Variants in KIAA1217 observed in about 807,000 individuals in gnomAD.
KIAA1217 encodes sickle tail protein homolog.
Under a neutral mutation model 163.9 loss-of-function variants are expected in KIAA1217, and 88 were observed. The ratio of observed to expected loss-of-function variants is 0.54; its 90% CI spans 0.45 to 0.64. The LOEUF (loss-of-function observed/expected upper bound fraction) is 0.64. Ranked by LOEUF, KIAA1217 falls within the 30% of genes least tolerant of loss-of-function variation. The probability of loss-of-function intolerance (pLI) is 0.00; values close to 1 mark genes in which losing one functional copy is unlikely to be tolerated. For synonymous variants in KIAA1217, 903 were observed against 923.1 expected, an observed-to-expected ratio of 0.98 and a Z score of 0.39; for missense variants, 2,372 against 2,475.0, an observed-to-expected ratio of 0.96 and a Z score of 0.88.
chr10:24,363,556 G>GT lies in KIAA1217; in HGVS notation c.355-17309dup, dbSNP rs752038960. ...GTAACATTCCTTTAGTTTTTTGTGG[G>GT]TTTTGTTTTTGTTTTTTTTTTTTTT... On this transcript the variant is annotated intron_variant, in intron 2 of 20. Coordinates refer to ENST00000376454, the MANE Select transcript of KIAA1217 (RefSeq NM_019590.5). Among the ~76,000 whole-genome samples the GT allele has an allele frequency of 8.0e-3, 628 of 78,408 alleles. 3 individuals carry two copies. The highest frequency in any genetic ancestry group is 0.019 in the African/African-American group (458 of 24,364). 51.4% of individuals were successfully genotyped at this position (78,408 alleles called of 152,430 possible).
At position 23,718,553 on chromosome 10, in the gene KIAA1217, G is replaced by A. The variant is rs368471939; in HGVS notation, c.-321+23319G>A. On this transcript the variant is annotated intron_variant, in intron 1 of 18. Coordinates refer to the KIAA1217 transcript ENST00000376462. ...TTTAGTTGCTGATAAATCCTTTATC[G>A]GGGAGAAGAGGATGTGGGTGGATAA... Among the ~76,000 whole-genome samples the A allele has an allele frequency of 1.1e-4, 17 of 151,738 alleles. No homozygotes were observed. In the East Asian group the frequency reaches 3.3e-3, roughly 29 times the overall value.
intron 1 of KIAA1217, among the ~76,000 whole-genome samples, chr10:23,847,316 G>T (rs921571832): frequency 6.6e-6 from 1 of 152,128 alleles, no homozygotes; most frequent in Non-Finnish European, 1.5e-5. Flanking sequence ...AATGGTAGCA[G>T]CTCCTCCTTG....
At chr10:24,396,075 C>G (rs928728910) in intron 3 of KIAA1217, among the ~76,000 whole-genome samples, 1 of 152,058 alleles carries the variant, frequency 6.6e-6, no homozygotes, top group Non-Finnish European at 1.5e-5. Flanking sequence ...GGTGGCTCAC[C>G]CCTGTAATCA....
chr10:24,296,391 A>G (rs1041292779), intron 2 of KIAA1217, among the ~76,000 whole-genome samples: 6 of 152,226 alleles, frequency 3.9e-5, no homozygotes, highest in African/African-American at 1.4e-4. Context: ...TACAGGAGTG[A>G]ATCACTATGC....
Position 23,858,509 on chromosome 10 carries a change from A to T in KIAA1217, c.-320-148716A>T, listed in dbSNP as rs929230277. ...TATAAATATACACACACATCTTTAGAGCAGTTGTATACACATGTCTATAGC... is the reference window on the plus strand; with the variant it reads ...TATAAATATACACACACATCTTTAGTGCAGTTGTATACACATGTCTATAGC... On this transcript the variant is annotated intron_variant, in intron 1 of 18. Coordinates refer to the KIAA1217 transcript ENST00000376462. Among the ~76,000 whole-genome samples, 4 of 152,046 alleles carry T rather than the reference A, an allele frequency of 2.6e-5. No homozygotes were observed. In the South Asian group the frequency reaches 6.2e-4, roughly 24 times the overall value.
At chr10:24,384,495 G>C (rs987500337) in intron 3 of KIAA1217, among the ~76,000 whole-genome samples, 5 of 152,088 alleles carry the variant, frequency 3.3e-5, no homozygotes, top group African/African-American at 1.2e-4. Flanking sequence ...TTACACTGGG[G>C]TTCACTCTTG....
chr10:23,995,814 A>AT lies in KIAA1217; in HGVS notation c.-320-11404dup. ...GTTAAACAGTAAAAATGGAGCCCTT[A>AT]TTTTTTTGGCAAGGTTAAGCGTATG... On this transcript the variant is annotated intron_variant, in intron 1 of 18. Coordinates refer to the KIAA1217 transcript ENST00000376462. Among the ~76,000 whole-genome samples, 4 of 152,154 alleles carry AT rather than the reference A, an allele frequency of 2.6e-5. No individual in the cohort carries two copies. The Middle Eastern group carries it at 0.014, about 518-fold the overall frequency.
In KIAA1217 at chr10:24,543,326, CAAG is replaced by C. The variant is rs1409871612; in HGVS notation, c.4057_4059del (p.Lys1353del). ...ATTTTGGCCAAGTTGTTCTAAGACC[CAAG>C]GAGGCAAGGCATGCTAACGTGAACC... On this transcript the variant is annotated inframe_deletion, in exon 19 of 21. Transcript: ENST00000376454. 3 of 1,613,912 alleles carry C rather than the reference CAAG, an allele frequency of 1.9e-6. No individual in the cohort carries two copies. Among genetic ancestry groups the C allele is most frequent in the Non-Finnish European group, 2.5e-6 (3 of 1,180,006 alleles).
intron 1 of KIAA1217, among the ~76,000 whole-genome samples, chr10:23,799,167 T>G (rs532761789): frequency 6.6e-6 from 1 of 152,190 alleles, no homozygotes; most frequent in East Asian, 1.9e-4. Flanking sequence ...CTTTCTTTTT[T>G]ACAAGGGCAT....
chr10:24,042,897 G>C (rs1848716498), intron 2 of KIAA1217, among the ~76,000 whole-genome samples: 1 of 152,206 alleles, frequency 6.6e-6, no homozygotes, highest in Non-Finnish European at 1.5e-5. Flanking sequence ...AGCAATGGAA[G>C]TGTTGCATGC....
chr10:24,503,582 A>G (rs1330687685), intron 9 of KIAA1217, among the ~76,000 whole-genome samples: 1 of 152,212 alleles, frequency 6.6e-6, no homozygotes, highest in African/African-American at 2.4e-5. Flanking sequence ...CTGGCTCTTA[A>G]CCTGATAGAA....
intron 2 of KIAA1217, among the ~76,000 whole-genome samples, chr10:24,087,458 A>T (rs533490356): frequency 6.6e-6 from 1 of 152,344 alleles, no homozygotes; most frequent in East Asian, 1.9e-4. Context: ...AAAATTCTTA[A>T]CTAGAGGGGC....
At chr10:24,121,898 G>A (rs2063294696) in intron 2 of KIAA1217, among the ~76,000 whole-genome samples, 1 of 151,994 alleles carries the variant, frequency 6.6e-6, no homozygotes, top group Non-Finnish European at 1.5e-5. Flanking sequence ...TATCTCTTGG[G>A]GCATCACTAA....
In KIAA1217 at chr10:24,167,505, CTCCTGTCCCTT is replaced by C. The variant is rs2065414752; in HGVS notation, c.-170-52118_-170-52108del. On this transcript the variant is annotated intron_variant, in intron 2 of 18. Coordinates refer to the KIAA1217 transcript ENST00000376462. ...AAACTAGAGCCCAAGATGTAAAGGC[CTCCTGTCCCTT>C]TCTAGCAGTCAAGGGGTGATTATCT... 1.3e-5 allele frequency among the ~76,000 whole-genome samples: 2 copies of C among 152,048 alleles called. 1 individual carries two copies. Among genetic ancestry groups the C allele is most frequent in the South Asian group, 4.1e-4 (2 of 4,826 alleles).
At chr10:24,300,603 T>G (rs912219363) in intron 2 of KIAA1217, among the ~76,000 whole-genome samples, 1 of 152,190 alleles carries the variant, frequency 6.6e-6, no homozygotes, top group African/African-American at 2.4e-5. Context: ...AGTCTCATTG[T>G]ATCACCCAAG....
chr10:23,875,748 A>T (rs546346264), intron 1 of KIAA1217, among the ~76,000 whole-genome samples: 2 of 152,126 alleles, frequency 1.3e-5, no homozygotes, highest in South Asian at 4.1e-4. Flanking sequence ...GCACATATAC[A>T]CCATGGAATA....
chr10:24,088,327 G>C (rs1320723395), intron 2 of KIAA1217, among the ~76,000 whole-genome samples: 1 of 112,564 alleles, frequency 8.9e-6, no homozygotes, highest in Non-Finnish European at 2.2e-5. Context: ...TTAAGTTCTA[G>C]GGTACATGTG....
At chr10:24,532,993 G>A in intron 15 of KIAA1217, 77 bp from the exon 16 acceptor site, 2 of 1,359,990 alleles carry the variant, frequency 1.5e-6, no homozygotes, top group Non-Finnish European at 1.0e-6. Flanking sequence ...AGACAGTGAG[G>A]GACCATACGA....
At chr10:24,219,364 A>C (rs2069270442) in intron 1 of KIAA1217, among the ~76,000 whole-genome samples, 1 of 152,062 alleles carries the variant, frequency 6.6e-6, no homozygotes, top group Admixed American at 6.5e-5. Flanking sequence ...CTCCCGCCTT[A>C]GCCTCCCAAA....
Sources: gnomAD v4.1 joint callset for allele counts (sites outside exome capture counted in the v4.1 genomes callset) on GRCh38, gnomAD v4.1.1 for gene constraint, MANE v1.5 for transcripts, NCBI Gene and HGNC (gene_info 2026-07-23, HGNC 2026-07-21) for gene names.